TENM3: variants seen among roughly 807,000 people sequenced by gnomAD.
The protein encoded by TENM3 is teneurin-3.
A neutral mutation model predicts 255.1 loss-of-function variants in TENM3; 63 were observed. That is an observed-to-expected ratio of 0.25 (90% CI 0.20 to 0.30). The LOEUF is 0.30. TENM3 is among the 10% of genes least tolerant of loss of function. The pLI is 1.00. For synonymous variants in TENM3, 1,306 were observed against 1,322.3 expected (o/e 0.99, Z 0.27); for missense variants, 2,929 against 3,461.1 (o/e 0.85, Z 3.86).
At chr4:181,984,834 GC>G in the TENM3 span, among the ~76,000 whole-genome samples, 1 of 123,438 alleles carries the variant, frequency 8.1e-6, no homozygotes, top group South Asian at 2.7e-4. Flanking sequence ...GTGTGTGTGT[GC>G]CTTTGAAATA....
the TENM3 span, among the ~76,000 whole-genome samples, chr4:181,458,081 T>C: frequency 6.6e-6 from 1 of 151,978 alleles, no homozygotes; most frequent in African/African-American, 2.4e-5. Context: ...TAATTCCTAT[T>C]GTACCGCAAA....
At chr4:181,595,620 T>C in the TENM3 span, among the ~76,000 whole-genome samples, 2 of 152,082 alleles carry the variant, frequency 1.3e-5, no homozygotes, top group East Asian at 3.9e-4. Context: ...GTCCCCCAAG[T>C]GACTCATATG....
intron 3 of TENM3, among the ~76,000 whole-genome samples, chr4:182,518,642 C>T (rs1379020909): frequency 1.3e-5 from 2 of 152,072 alleles, no homozygotes; most frequent in African/African-American, 4.8e-5. Flanking sequence ...GGATGAATTG[C>T]AAGGAAATCC....
At chr4:181,509,858 G>A in the TENM3 span, among the ~76,000 whole-genome samples, 1 of 152,236 alleles carries the variant, frequency 6.6e-6, no homozygotes, top group African/African-American at 2.4e-5. Flanking sequence ...TCACAAGGGT[G>A]AGGGGAATGT....
At chr4:181,479,188 G>T in the TENM3 span, among the ~76,000 whole-genome samples, 1 of 152,116 alleles carries the variant, frequency 6.6e-6, no homozygotes, top group Non-Finnish European at 1.5e-5. Flanking sequence ...TTTAAACAGT[G>T]ATATTTGCAA....
intron 3 of TENM3, among the ~76,000 whole-genome samples, chr4:182,381,558 T>TCTCCC (rs1767570249): frequency 2.4e-5 from 3 of 126,910 alleles, no homozygotes; most frequent in Admixed American, 8.0e-5. Flanking sequence ...CCTCCCCTCT[T>TCTCCC]CTCCCCTCCC....
At chr4:181,674,055 G>A in the TENM3 span, among the ~76,000 whole-genome samples, 2 of 152,132 alleles carry the variant, frequency 1.3e-5, no homozygotes, top group African/African-American at 4.8e-5. Flanking sequence ...GAGTGCAGTG[G>A]CATAATCACA....
the TENM3 span, among the ~76,000 whole-genome samples, chr4:181,637,058 T>A: frequency 6.6e-6 from 1 of 152,206 alleles, no homozygotes; most frequent in African/African-American, 2.4e-5. Context: ...GATACCCATA[T>A]GCCTTGCTCT....
chr4:182,279,053 A>G (rs898853756), intron 1 of TENM3, among the ~76,000 whole-genome samples: 1 of 152,210 alleles, frequency 6.6e-6, no homozygotes, highest in African/African-American at 2.4e-5. Context: ...ACCTAAGAGC[A>G]GGGAAGGATC....
At chr4:182,573,692 A>G (rs1488041433) in intron 3 of TENM3, among the ~76,000 whole-genome samples, 1 of 152,212 alleles carries the variant, frequency 6.6e-6, no homozygotes, top group African/African-American at 2.4e-5. Flanking sequence ...GGTACTAGAG[A>G]GACAGAGAAA....
the TENM3 span, among the ~76,000 whole-genome samples, chr4:181,553,260 AGTGTGTGTGTGTGTGTGTGTGTGTGT>A: frequency 1.5e-5 from 2 of 133,470 alleles, no homozygotes; most frequent in African/African-American, 5.9e-5. Context: ...ATAGTCATTA[AGTGTGTGTGTGTGTGTGTGTGTGTGT>A]GTGTGTGTGT....
intron 1 of TENM3, among the ~76,000 whole-genome samples, chr4:182,195,524 C>T (rs1220843248): frequency 1.3e-5 from 2 of 152,032 alleles, no homozygotes; most frequent in Non-Finnish European, 2.9e-5. Context: ...CCTGTGGTCC[C>T]AGCTGCTCTG....
intron 1 of TENM3, among the ~76,000 whole-genome samples, chr4:182,323,724 T>C (rs1164143650): frequency 1.3e-5 from 2 of 152,146 alleles, no homozygotes; most frequent in Non-Finnish European, 2.9e-5. Flanking sequence ...TACAGTAGCT[T>C]CAATAAACAC....
chr4:181,717,096 G>C, the TENM3 span, among the ~76,000 whole-genome samples: 5 of 152,152 alleles, frequency 3.3e-5, no homozygotes, highest in African/African-American at 1.2e-4. Context: ...GTATGGATTT[G>C]AATCTAGAAG....
intron 4 of TENM3, among the ~76,000 whole-genome samples, chr4:182,616,189 C>T (rs989570517): frequency 6.6e-6 from 1 of 152,182 alleles, no homozygotes; most frequent in Admixed American, 6.5e-5. Flanking sequence ...CCAAAACCGG[C>T]GCTTCCTTAT....
chr4:182,446,576 A>C (rs1280779327), intron 3 of TENM3, among the ~76,000 whole-genome samples: 1 of 152,060 alleles, frequency 6.6e-6, no homozygotes, highest in Non-Finnish European at 1.5e-5. Context: ...TGGTTGTCAA[A>C]AATCAAGGAG....
At chr4:182,046,420 A>G in the TENM3 span, among the ~76,000 whole-genome samples, 150,274 of 152,140 alleles carry the variant, frequency 0.99, 74,257 homozygotes, top group East Asian at 1. Context: ...ATTGTGCACT[A>G]TAAAAGCACC....
intron 3 of TENM3, among the ~76,000 whole-genome samples, chr4:182,465,348 T>G (rs906961429): frequency 6.6e-6 from 1 of 152,126 alleles, no homozygotes; most frequent in African/African-American, 2.4e-5. Context: ...GGAAGGGGAC[T>G]GGTCCATGAT....
At chr4:182,096,202 C>T in the TENM3 span, among the ~76,000 whole-genome samples, 16 of 151,726 alleles carry the variant, frequency 1.1e-4, no homozygotes, top group African/African-American at 3.6e-4. Context: ...TCAATCACTG[C>T]AAGGGTCATG....
Sources: gnomAD v4.1 joint callset for allele counts (sites outside exome capture counted in the v4.1 genomes callset) on GRCh38, gnomAD v4.1.1 for gene constraint, MANE v1.5 for transcripts, NCBI Gene and HGNC (gene_info 2026-07-23, HGNC 2026-07-21) for gene names.